The following FGF14 variants were observed in gnomAD, a reference collection of about 807,000 sequenced individuals.
FGF14 encodes the protein fibroblast growth factor 14, also known as fibroblast growth factor homologous factor 4.
FGF14 carries 5 observed loss-of-function variants against 25.5 expected under a neutral mutation model. That is an observed-to-expected ratio of 0.20 (90% CI 0.10 to 0.41). The LOEUF (loss-of-function observed/expected upper bound fraction) is 0.41. FGF14 is among the 10% of genes least tolerant of loss of function. FGF14 has a pLI of 1.00. For missense variants in FGF14, 222 were observed against 320.1 expected (o/e 0.69, Z 2.34); for synonymous variants, 138 against 118.3 (o/e 1.17, Z -1.08).
intron 1 of FGF14, among the ~76,000 whole-genome samples, chr13:102,052,824 C>CA (rs2042273208): frequency 6.6e-6 from 1 of 152,080 alleles, no homozygotes; most frequent in South Asian, 2.1e-4. Context: ...ATGAGTAACA[C>CA]AAAAACATCT....
intron 1 of FGF14, among the ~76,000 whole-genome samples, chr13:101,913,209 T>C (rs1332108887): frequency 6.6e-6 from 1 of 152,130 alleles, no homozygotes; most frequent in African/African-American, 2.4e-5. Context: ...AGGATAAGGA[T>C]TTGAAAGCAT....
chr13:101,810,914 G>T (rs888533797), intron 3 of FGF14, among the ~76,000 whole-genome samples: 9 of 151,914 alleles, frequency 5.9e-5, no homozygotes, highest in Non-Finnish European at 1.3e-4. Flanking sequence ...ATCTTTACTG[G>T]TTTCACTTAT....
At chr13:102,218,120 C>CCTGCAT (rs1254108856) in intron 1 of FGF14, among the ~76,000 whole-genome samples, 1 of 152,014 alleles carries the variant, frequency 6.6e-6, no homozygotes, top group Non-Finnish European at 1.5e-5. Flanking sequence ...TTTGCTTTGC[C>CCTGCAT]CAACTCTGCA....
chr13:102,148,028 C>CT (rs907263008), intron 1 of FGF14, among the ~76,000 whole-genome samples: 134 of 152,164 alleles, frequency 8.8e-4, no homozygotes, highest in African/African-American at 2.8e-3. Flanking sequence ...TTAGCAAAAT[C>CT]TTTTTTTAAT....
At position 102,212,245 on chromosome 13, in the gene FGF14, G is replaced by GT. The variant is rs554635123; in HGVS notation, c.208+189225dup. ...TTTGTTTGTTGGTTTAATATGACAT[G>GT]TTTTTTTAAAGAACTAAGGTAGGTC... On this transcript the variant is annotated intron_variant, in intron 1 of 4. Coordinates refer to the FGF14 transcript ENST00000376131. Among the ~76,000 whole-genome samples, 365 of 152,240 alleles carry GT rather than the reference G, an allele frequency of 2.4e-3. 1 individual carries two copies. The highest frequency in any genetic ancestry group is 7.9e-3 in the African/African-American group (330 of 41,534).
chr13:101,988,542 T>A (rs1217447836), intron 1 of FGF14, among the ~76,000 whole-genome samples: 1 of 152,048 alleles, frequency 6.6e-6, no homozygotes, highest in Non-Finnish European at 1.5e-5. Flanking sequence ...AAGGATGAGT[T>A]CATGTTCTTT....
At chr13:102,068,541 A>G (rs947895779) in intron 1 of FGF14, among the ~76,000 whole-genome samples, 8 of 152,192 alleles carry the variant, frequency 5.3e-5, no homozygotes, top group Non-Finnish European at 1.2e-4. Flanking sequence ...CCGGGTGGGC[A>G]TGGGCTTGGC....
At chr13:101,975,800 C>CATA (rs1350067219) in intron 1 of FGF14, among the ~76,000 whole-genome samples, 3 of 152,198 alleles carry the variant, frequency 2.0e-5, no homozygotes, top group African/African-American at 7.2e-5. Flanking sequence ...GCACAGGTTT[C>CATA]ATAAAGCCCT....
intron 1 of FGF14, among the ~76,000 whole-genome samples, chr13:102,390,713 A>G (rs985136738): frequency 6.6e-6 from 1 of 152,232 alleles, no homozygotes; most frequent in South Asian, 2.1e-4. Flanking sequence ...CCTAGTATAT[A>G]GAAGCATTCT....
intron 1 of FGF14, among the ~76,000 whole-genome samples, chr13:102,006,097 A>C (rs1425338819): frequency 6.6e-6 from 1 of 152,210 alleles, no homozygotes; most frequent in Admixed American, 6.5e-5. Flanking sequence ...TTAGTGCTAC[A>C]AAGGGCTCAA....
intron 1 of FGF14, among the ~76,000 whole-genome samples, chr13:101,892,806 T>C (rs2029952769): frequency 6.6e-6 from 1 of 152,178 alleles, no homozygotes; most frequent in Non-Finnish European, 1.5e-5. Context: ...CAGCACAGGA[T>C]GCTGTATGAA....
chr13:102,311,485 C>A (rs534410360), intron 1 of FGF14, among the ~76,000 whole-genome samples: 1 of 152,106 alleles, frequency 6.6e-6, no homozygotes, highest in Non-Finnish European at 1.5e-5. Context: ...ACAGCTGAAT[C>A]GGGCCGATTT....
intron 3 of FGF14, among the ~76,000 whole-genome samples, chr13:101,730,894 T>A (rs1449979207): frequency 1.3e-5 from 2 of 152,130 alleles, no homozygotes; most frequent in African/African-American, 2.4e-5. Context: ...ATGATTTTTT[T>A]AAAAAAGCAG....
At chr13:101,827,376 T>G (rs1277244569) in intron 3 of FGF14, among the ~76,000 whole-genome samples, 1 of 151,986 alleles carries the variant, frequency 6.6e-6, no homozygotes, top group Non-Finnish European at 1.5e-5. Context: ...AATAAAATGT[T>G]ATATCAACCT....
At chr13:101,921,729 T>C (rs1033864422), upstream of FGF14, among the ~76,000 whole-genome samples, 3 of 152,148 alleles carry the variant, frequency 2.0e-5, no homozygotes, top group African/African-American at 4.8e-5. Flanking sequence ...TTCTCTGACA[T>C]CATCTCTATT....
intron 1 of FGF14, among the ~76,000 whole-genome samples, chr13:102,119,699 T>A (rs554890510): frequency 3.0e-4 from 45 of 152,346 alleles, no homozygotes; most frequent in Non-Finnish European, 1.8e-4. Flanking sequence ...TATGTATGTA[T>A]GTGCACACAC....
chr13:102,102,693 A>T (rs1040301660), intron 1 of FGF14, among the ~76,000 whole-genome samples: 14 of 152,206 alleles, frequency 9.2e-5, no homozygotes, highest in African/African-American at 3.4e-4. Flanking sequence ...TAGTTTGAAT[A>T]TGTATTCATA....
chr13:102,034,641 A>G (rs4772437), intron 1 of FGF14, among the ~76,000 whole-genome samples: 50,647 of 151,958 alleles, frequency 0.33, 9,332 homozygotes, highest in East Asian at 0.73. Flanking sequence ...ATGCAAAAAT[A>G]TCCATGATAA....
intron 1 of FGF14, among the ~76,000 whole-genome samples, chr13:102,239,883 T>C (rs1031983306): frequency 6.6e-6 from 1 of 152,228 alleles, no homozygotes; most frequent in East Asian, 1.9e-4. Flanking sequence ...CTTTAACAAA[T>C]GTCACTGGAA....
Sources: gnomAD v4.1 joint callset for allele counts (sites outside exome capture counted in the v4.1 genomes callset) on GRCh38, gnomAD v4.1.1 for gene constraint, MANE v1.5 for transcripts, NCBI Gene and HGNC (gene_info 2026-07-23, HGNC 2026-07-21) for gene names.